The following GRIK2 variants were observed in gnomAD, a reference collection of about 807,000 sequenced individuals.
GRIK2 encodes glutamate ionotropic receptor kainate type subunit 2, also known as glutamate receptor ionotropic, kainate 2.
GRIK2 carries 32 observed loss-of-function variants against 100.3 expected under a neutral mutation model. That is an observed-to-expected ratio of 0.32 (90% CI 0.24 to 0.43). The LOEUF (loss-of-function observed/expected upper bound fraction) is 0.43, where lower values mean the gene tolerates loss of function less well. Ranked by LOEUF, GRIK2 falls within the 20% of genes least tolerant of loss-of-function variation. The pLI is 1.00. For missense variants in GRIK2, 843 were observed against 1,114.9 expected (o/e 0.76, Z 3.47); for synonymous variants, 417 against 389.4 (o/e 1.07, Z -0.83).
intron 2 of GRIK2, among the ~76,000 whole-genome samples, chr6:101,483,377 A>G (rs527615863): frequency 1.3e-5 from 2 of 152,338 alleles, no homozygotes; most frequent in South Asian, 4.1e-4. Context: ...TAGTATGATT[A>G]GTAGTGGGTT....
At chr6:101,657,195 C>T (rs1165498865) in intron 4 of GRIK2, among the ~76,000 whole-genome samples, 1 of 152,180 alleles carries the variant, frequency 6.6e-6, no homozygotes, top group Non-Finnish European at 1.5e-5. Flanking sequence ...CCTTAATTCT[C>T]ATGTGTCTGG....
At chr6:102,060,661 G>A (rs1184701670) in intron 16 of GRIK2, among the ~76,000 whole-genome samples, 1 of 150,530 alleles carries the variant, frequency 6.6e-6, no homozygotes, top group East Asian at 1.9e-4. Context: ...CAATATTTAT[G>A]TTTTGCCCAG....
intron 7 of GRIK2, among the ~76,000 whole-genome samples, chr6:101,752,323 C>G (rs1776843630): frequency 6.6e-6 from 1 of 152,050 alleles, no homozygotes; most frequent in African/African-American, 2.4e-5. Flanking sequence ...TGAGTATTAA[C>G]ACGATTTTCC....
At chr6:101,764,453 G>A (rs534886705) in intron 7 of GRIK2, among the ~76,000 whole-genome samples, 1 of 151,840 alleles carries the variant, frequency 6.6e-6, no homozygotes, top group South Asian at 2.1e-4. Context: ...GTATGTGTGA[G>A]AGAGAGAGAG....
chr6:101,789,818 T>C (rs1220395969), intron 7 of GRIK2, among the ~76,000 whole-genome samples: 7 of 152,228 alleles, frequency 4.6e-5, no homozygotes, highest in Admixed American at 3.9e-4. Flanking sequence ...TTTCATGATA[T>C]TGATTCTTCC....
chr6:101,938,844 G>A (rs117781174), intron 14 of GRIK2, among the ~76,000 whole-genome samples: 2 of 151,958 alleles, frequency 1.3e-5, no homozygotes, highest in African/African-American at 4.8e-5. Context: ...ATAGTTCAGG[G>A]TTGGCGATAA....
chr6:101,670,720 AATATC>A (rs1770370686), intron 4 of GRIK2, among the ~76,000 whole-genome samples: 1 of 152,186 alleles, frequency 6.6e-6, no homozygotes, highest in Non-Finnish European at 1.5e-5. Context: ...TCAGTGTCAA[AATATC>A]ATCCAAAAAT....
chr6:101,622,165 A>G (rs1196863085), intron 3 of GRIK2, 49 bp downstream of exon 3: 6 of 1,140,584 alleles, frequency 5.3e-6, no homozygotes, highest in East Asian at 2.4e-5. Context: ...TCAAATTTCT[A>G]GGTATTCTTA....
intron 7 of GRIK2, among the ~76,000 whole-genome samples, chr6:101,787,944 C>A (rs1034076486): frequency 2.6e-5 from 4 of 151,986 alleles, no homozygotes; most frequent in Non-Finnish European, 4.4e-5. Flanking sequence ...CTCTTTAGAT[C>A]AAATAAAATT....
At chr6:101,400,775 A>T (rs113490903) in intron 2 of GRIK2, among the ~76,000 whole-genome samples, 2 of 152,330 alleles carry the variant, frequency 1.3e-5, no homozygotes, top group African/African-American at 2.4e-5. Context: ...CACCGACCAC[A>T]CATACACATA....
intron 2 of GRIK2, among the ~76,000 whole-genome samples, chr6:101,520,502 G>C (rs1774828572): frequency 6.6e-6 from 1 of 151,896 alleles, no homozygotes; most frequent in African/African-American, 2.4e-5. Context: ...ATATCCAAAT[G>C]AGAAGAGGAA....
intron 10 of GRIK2, among the ~76,000 whole-genome samples, chr6:101,851,578 T>A (rs1479986797): frequency 6.6e-6 from 1 of 152,044 alleles, no homozygotes; most frequent in Non-Finnish European, 1.5e-5. Context: ...TAGATGTTAT[T>A]TTTATAAATT....
intron 14 of GRIK2, among the ~76,000 whole-genome samples, chr6:101,933,104 T>A (rs1037342702): frequency 4.6e-5 from 7 of 152,168 alleles, no homozygotes; most frequent in Admixed American, 1.3e-4. Context: ...TTGCCTTGAC[T>A]TTTTTAGAGG....
Position 101,587,206 on chromosome 6 carries a change from A to T in GRIK2, c.116-34743A>T, listed in dbSNP as rs77053621. The stretch of plus-strand genomic sequence containing the variant: ...ACTGCTGGAAATGAAAACTATAGAT[A>T]TTAAAATTTAGAAATATAAGAGATG... On this transcript the variant is annotated intron_variant, in intron 2 of 16. Transcript: ENST00000369134. Among the ~76,000 whole-genome samples, 256 of 152,256 alleles carry T rather than the reference A, an allele frequency of 1.7e-3. 2 individuals are homozygous for T. In the East Asian group the frequency reaches 0.04, roughly 24 times the overall value.
At chr6:101,862,932 T>C (rs937882614) in intron 11 of GRIK2, among the ~76,000 whole-genome samples, 1 of 152,214 alleles carries the variant, frequency 6.6e-6, no homozygotes, top group African/African-American at 2.4e-5. Flanking sequence ...GATTGGTGAT[T>C]GATGACTTGA....
At chr6:101,827,152 T>G (rs768076500) in intron 10 of GRIK2, among the ~76,000 whole-genome samples, 1 of 151,952 alleles carries the variant, frequency 6.6e-6, no homozygotes, top group Non-Finnish European at 1.5e-5. Flanking sequence ...TTCTCTAAAG[T>G]TATGTTTCTG....
At chr6:101,787,725 A>C (rs1006286789) in intron 7 of GRIK2, among the ~76,000 whole-genome samples, 1 of 152,042 alleles carries the variant, frequency 6.6e-6, no homozygotes, top group African/African-American at 2.4e-5. Context: ...GTGGCCTTAC[A>C]TTGTTTTTCC....
chr6:102,068,845 G>A lies in GRIK2; in HGVS notation c.*334G>A, dbSNP rs2114546887. On this transcript the variant is annotated 3_prime_UTR_variant, in exon 17 of 17. Transcript: ENST00000369134. Reference sequence around the variant, plus strand: ...CCTTTTGAAGCTCAACTGTTGCCAGGAGATGGAATATCAATGCCCAACAGG... The same window carrying A: ...CCTTTTGAAGCTCAACTGTTGCCAGAAGATGGAATATCAATGCCCAACAGG... The A allele has an allele frequency of 1.1e-5, 2 of 187,744 alleles. No homozygotes were observed. Among genetic ancestry groups the A allele is most frequent in the South Asian group, 1.1e-4 (1 of 8,696 alleles). 11.6% of individuals were successfully genotyped at this position (187,744 alleles called of 1,614,324 possible).
At chr6:101,675,282 C>G (rs115176122) in intron 4 of GRIK2, among the ~76,000 whole-genome samples, 3 of 134,780 alleles carry the variant, frequency 2.2e-5, no homozygotes, top group East Asian at 2.1e-4. Context: ...CGCACACGCG[C>G]ACGCACACGC....
Sources: gnomAD v4.1 joint callset for allele counts (sites outside exome capture counted in the v4.1 genomes callset) on GRCh38, gnomAD v4.1.1 for gene constraint, MANE v1.5 for transcripts, NCBI Gene and HGNC (gene_info 2026-07-23, HGNC 2026-07-21) for gene names.